The following TENM2 variants were observed in gnomAD, a reference collection of about 807,000 sequenced individuals.
TENM2 encodes teneurin-2.
TENM2 carries 52 observed loss-of-function variants against 245.2 expected under a neutral mutation model. The observed-to-expected ratio is 0.21, with a 90% CI of 0.17 to 0.27. TENM2 has a LOEUF of 0.27. Among genes scored for constraint, TENM2 ranks in the 10% least tolerant of loss-of-function variants. The pLI is 1.00. For missense variants in TENM2, 3,046 were observed against 3,666.8 expected (o/e 0.83, Z 4.37); for synonymous variants, 1,363 against 1,438.9 (o/e 0.95, Z 1.19).
At chr5:167,200,456 A>C in the TENM2 span, among the ~76,000 whole-genome samples, 7 of 152,056 alleles carry the variant, frequency 4.6e-5, no homozygotes, top group Middle Eastern at 3.4e-3. Flanking sequence ...ATCTATGCAC[A>C]GAAGTCCAAG....
chr5:167,747,603 T>A (rs1038730601), intron 2 of TENM2, among the ~76,000 whole-genome samples: 1 of 152,188 alleles, frequency 6.6e-6, no homozygotes, highest in Non-Finnish European at 1.5e-5. Context: ...CTTTTCTGAG[T>A]CATTTGATCA....
rs116249627 is a variant in TENM2 at position 168,051,897 on chromosome 5, C to T, written c.1309+4348C>T. 7.0e-3 allele frequency among the ~76,000 whole-genome samples: 1,059 copies of T among 152,320 alleles called. 8 individuals carry two copies. Among genetic ancestry groups the T allele is most frequent in the African/African-American group, 0.022 (932 of 41,568 alleles). The stretch of plus-strand genomic sequence containing the variant: ...GTTGTTGAAACTGATGTCATCTTTA[C>T]ATCTCTCAGCTGGTCCATTTAACAA... On this transcript the variant is annotated intron_variant, in intron 6 of 28. Transcript: ENST00000518659.
the TENM2 span, among the ~76,000 whole-genome samples, chr5:167,185,712 A>AT: frequency 0.073 from 10,879 of 148,366 alleles, 1,054 homozygotes; most frequent in East Asian, 0.36. Context: ...CTTGAAGGTC[A>AT]TTTTTTTTTT....
chr5:167,484,430 G>T (rs535197778), intron 2 of TENM2, among the ~76,000 whole-genome samples: 25 of 152,226 alleles, frequency 1.6e-4, no homozygotes, highest in Admixed American at 5.2e-4. Context: ...AATGTGACGA[G>T]ATCTAGGGAG....
intron 12 of TENM2, among the ~76,000 whole-genome samples, chr5:168,133,806 T>G (rs2152382234): frequency 6.6e-6 from 1 of 152,320 alleles, no homozygotes; most frequent in Middle Eastern, 3.4e-3. Flanking sequence ...TCCATCCACG[T>G]CTGCTTCACT....
intron 13 of TENM2, among the ~76,000 whole-genome samples, chr5:168,183,651 T>C (rs1760127782): frequency 6.6e-6 from 1 of 152,146 alleles, no homozygotes; most frequent in Non-Finnish European, 1.5e-5. Context: ...TTATTGCTTC[T>C]TCCCTCCTTT....
At chr5:167,420,915 TGAAG>T (rs1277972910) in intron 2 of TENM2, among the ~76,000 whole-genome samples, 3 of 151,870 alleles carry the variant, frequency 2.0e-5, no homozygotes, top group African/African-American at 7.3e-5. Context: ...AAGAAATGAG[TGAAG>T]GAAGGAATTA....
rs561900540 is a variant in TENM2 at position 167,748,754 on chromosome 5, T to A, written c.503-127232T>A. On this transcript the variant is annotated intron_variant, in intron 2 of 28. Coordinates refer to ENST00000518659, the Ensembl canonical transcript of TENM2. ...GGGAGAGAAGTGCAAGTAGGGGAAA[T>A]GCCAAACACTTAAAACCATCAGATC... Among the ~76,000 whole-genome samples the A allele has an allele frequency of 5.6e-4, 85 of 152,020 alleles. 1 individual carries two copies. The South Asian group carries it at 0.016, about 29-fold the overall frequency.
At chr5:168,217,982 G>C (rs1763349287) in intron 22 of TENM2, 143 bp from the exon 25 acceptor site, 2 of 784,874 alleles carry the variant, frequency 2.5e-6, no homozygotes, top group South Asian at 1.9e-5. Context: ...ATGAGCAGCT[G>C]GTTCAATGAA....
At chr5:166,990,907 A>G in the TENM2 span, among the ~76,000 whole-genome samples, 3 of 152,202 alleles carry the variant, frequency 2.0e-5, no homozygotes, top group Non-Finnish European at 4.4e-5. Flanking sequence ...ATGAGGTGTA[A>G]AAGTCTGAAA....
chr5:167,111,664 T>C, the TENM2 span, among the ~76,000 whole-genome samples: 1 of 152,204 alleles, frequency 6.6e-6, no homozygotes, highest in African/African-American at 2.4e-5. Flanking sequence ...TGCAAATTTC[T>C]GTACTTTAGT....
At chr5:167,087,759 G>T in the TENM2 span, among the ~76,000 whole-genome samples, 1 of 151,942 alleles carries the variant, frequency 6.6e-6, no homozygotes, top group Admixed American at 6.6e-5. Flanking sequence ...GAGCATATTG[G>T]GAGAGTGTTT....
intron 1 of TENM2, among the ~76,000 whole-genome samples, chr5:167,346,810 G>T (rs1237864002): frequency 6.6e-6 from 1 of 151,794 alleles, no homozygotes; most frequent in Non-Finnish European, 1.5e-5. Context: ...CTCACACTCT[G>T]TCACTCAGGC....
chr5:168,228,277 C>T, intron 25 of TENM2, 147 bp downstream of exon 27: 1 of 466,906 alleles, frequency 2.1e-6, no homozygotes, highest in East Asian at 8.2e-5. Flanking sequence ...AGCTTCAAAG[C>T]CTCTAATACC....
chr5:167,579,312 A>G (rs1210561404), intron 2 of TENM2, among the ~76,000 whole-genome samples: 1 of 152,190 alleles, frequency 6.6e-6, no homozygotes, highest in Non-Finnish European at 1.5e-5. Flanking sequence ...CTGTTTTGCC[A>G]CTGTGTGTTT....
At chr5:167,761,864 A>G (rs951678781) in intron 2 of TENM2, among the ~76,000 whole-genome samples, 5 of 152,218 alleles carry the variant, frequency 3.3e-5, no homozygotes, top group African/African-American at 1.2e-4. Context: ...CTGCTGAGCC[A>G]GAGATAGAAG....
chr5:167,096,870 A>T, the TENM2 span, among the ~76,000 whole-genome samples: 10 of 152,162 alleles, frequency 6.6e-5, no homozygotes, highest in Non-Finnish European at 1.5e-4. Flanking sequence ...CTCATGCAAC[A>T]TGTGTAGACC....
chr5:167,763,151 T>C (rs1194515566), intron 2 of TENM2, among the ~76,000 whole-genome samples: 1 of 152,216 alleles, frequency 6.6e-6, no homozygotes, highest in African/African-American at 2.4e-5. Flanking sequence ...AGGCAGCTGG[T>C]GCAAGGCTCA....
chr5:168,063,447 T>A (rs1451555077), intron 7 of TENM2, among the ~76,000 whole-genome samples: 1 of 152,190 alleles, frequency 6.6e-6, no homozygotes, highest in Non-Finnish European at 1.5e-5. Context: ...TTGTATATCC[T>A]GTGAAAAAAC....
Sources: gnomAD v4.1 joint callset for allele counts (sites outside exome capture counted in the v4.1 genomes callset) on GRCh38, gnomAD v4.1.1 for gene constraint, MANE v1.5 for transcripts, NCBI Gene and HGNC (gene_info 2026-07-23, HGNC 2026-07-21) for gene names.